Variants in EYS observed in about 807,000 individuals in gnomAD.
EYS encodes the protein EGF-like photoreceptor maintenance factor.
A neutral mutation model predicts 282.1 loss-of-function variants in EYS; 250 were observed. The ratio of observed to expected loss-of-function variants is 0.89; its 90% CI spans 0.80 to 0.98. The LOEUF (loss-of-function observed/expected upper bound fraction) is 0.98, where lower values mean the gene tolerates loss of function less well. Ranked by LOEUF, EYS falls within the 50% of genes least tolerant of loss-of-function variation. The pLI is 0.00. For missense variants in EYS, 4,016 were observed against 3,709.0 expected, an observed-to-expected ratio of 1.08 and a Z score of -2.15; for synonymous variants, 1,355 against 1,282.9, an observed-to-expected ratio of 1.06 and a Z score of -1.20.
intron 2 of EYS, among the ~76,000 whole-genome samples, chr6:65,629,539 CAT>C (rs758543949): frequency 3.3e-5 from 5 of 152,192 alleles, no homozygotes; most frequent in South Asian, 4.1e-4. Context: ...GAAAACCCCA[CAT>C]GAGAACTAAA....
At position 65,549,377 on chromosome 6, in the gene EYS, G is replaced by T. The variant is rs60828468; in HGVS notation, c.-332-53384C>A. ...TTTTAAAATACTTTGGCTCTACTTT[G>T]TTATGCTCTATACCAGAATTTGGCA... On this transcript the variant is annotated intron_variant, in intron 2 of 42. Transcript: ENST00000503581. Among the ~76,000 whole-genome samples the T allele has an allele frequency of 4.9e-3, 742 of 152,244 alleles. 2 individuals carry two copies. The highest frequency in any genetic ancestry group is 0.016 in the African/African-American group (673 of 41,542).
intron 33 of EYS, among the ~76,000 whole-genome samples, chr6:64,005,076 C>T (rs1182426100): frequency 6.6e-6 from 1 of 152,174 alleles, no homozygotes; most frequent in Admixed American, 6.5e-5. Context: ...CTTACATTCC[C>T]TGCAGCAGTG....
intron 28 of EYS, among the ~76,000 whole-genome samples, chr6:64,398,283 T>C (rs1773438771): frequency 6.6e-6 from 1 of 151,924 alleles, no homozygotes; most frequent in Non-Finnish European, 1.5e-5. Flanking sequence ...AGGTCAATCC[T>C]GTAAATGATT....
intron 26 of EYS, among the ~76,000 whole-genome samples, chr6:64,534,577 G>A (rs554592625): frequency 1.3e-5 from 2 of 152,012 alleles, no homozygotes; most frequent in Middle Eastern, 3.4e-3. Context: ...TGATGATTAT[G>A]TACTTTCTTG....
At chr6:63,867,195 C>A (rs1222153227) in intron 35 of EYS, among the ~76,000 whole-genome samples, 1 of 152,060 alleles carries the variant, frequency 6.6e-6, no homozygotes, top group East Asian at 1.9e-4. Context: ...ACAGTGTCAC[C>A]CTCTTTTGCT....
At chr6:65,254,862 A>G (rs892160495) in intron 12 of EYS, among the ~76,000 whole-genome samples, 1 of 151,934 alleles carries the variant, frequency 6.6e-6, no homozygotes, top group Non-Finnish European at 1.5e-5. Context: ...AAGTATTAAT[A>G]TGGCTCCATT....
At chr6:64,495,371 G>T (rs982395753) in intron 26 of EYS, among the ~76,000 whole-genome samples, 1 of 151,718 alleles carries the variant, frequency 6.6e-6, no homozygotes, top group African/African-American at 2.4e-5. Flanking sequence ...ACTTGGACTT[G>T]GAAGATGACA....
intron 22 of EYS, among the ~76,000 whole-genome samples, chr6:64,626,718 C>G (rs1225568074): frequency 6.6e-6 from 1 of 152,150 alleles, no homozygotes; most frequent in Non-Finnish European, 1.5e-5. Flanking sequence ...GCCTTGCTGA[C>G]ACTTTAGTTG....
intron 8 of EYS, among the ~76,000 whole-genome samples, chr6:65,368,242 G>A (rs1440098551): frequency 6.6e-6 from 1 of 151,502 alleles, no homozygotes; most frequent in Non-Finnish European, 1.5e-5. Flanking sequence ...GGGATTATGG[G>A]AACTACAAGT....
chr6:64,162,688 C>T (rs950494653), intron 31 of EYS, among the ~76,000 whole-genome samples: 2 of 152,056 alleles, frequency 1.3e-5, no homozygotes, highest in Non-Finnish European at 2.9e-5. Context: ...TCTCTGGTCC[C>T]CTTGTTTCTC....
intron 13 of EYS, among the ~76,000 whole-genome samples, chr6:65,034,963 A>C (rs2150145844): frequency 6.6e-6 from 1 of 152,276 alleles, no homozygotes; most frequent in Middle Eastern, 3.4e-3. Flanking sequence ...AAAATACTCA[A>C]AAAAGTATTA....
intron 22 of EYS, among the ~76,000 whole-genome samples, chr6:64,750,424 A>AC (rs1413775991): frequency 1.3e-5 from 2 of 151,614 alleles, no homozygotes; most frequent in South Asian, 4.2e-4. Context: ...GGAAAGTAAA[A>AC]AAAAAAAAGC....
chr6:64,964,769 C>A (rs985953322), intron 14 of EYS, among the ~76,000 whole-genome samples: 3 of 152,122 alleles, frequency 2.0e-5, no homozygotes, highest in African/African-American at 7.2e-5. Flanking sequence ...CAGTTGCTCA[C>A]ACCTGTAATC....
chr6:64,936,653 C>T (rs911960845), intron 15 of EYS, among the ~76,000 whole-genome samples: 1 of 151,436 alleles, frequency 6.6e-6, no homozygotes, highest in African/African-American at 2.4e-5. Context: ...CTGAAAATGG[C>T]ATGAAGACAA....
In EYS at chr6:64,224,777, A is replaced by T. The variant is rs186471753; in HGVS notation, c.6424+5815T>A. 1.5e-3 allele frequency among the ~76,000 whole-genome samples: 233 copies of T among 152,280 alleles called. 1 individual carries two copies. Among genetic ancestry groups the T allele is most frequent in the Non-Finnish European group, 6.2e-4 (42 of 68,018 alleles). Reference sequence around the variant, plus strand: ...TCTGCAAAATAAATGGACATAAAAGACAGAAATCCAGGGAGAAAAAAAATG... The same window carrying T: ...TCTGCAAAATAAATGGACATAAAAGTCAGAAATCCAGGGAGAAAAAAAATG... On this transcript the variant is annotated intron_variant, in intron 31 of 42. Coordinates refer to ENST00000503581, the MANE Select transcript of EYS (RefSeq NM_001142800.2).
chr6:65,412,218 G>A (rs145449093), intron 5 of EYS, among the ~76,000 whole-genome samples: 3 of 152,164 alleles, frequency 2.0e-5, no homozygotes, highest in African/African-American at 7.2e-5. Context: ...CAGCCTTCAG[G>A]ACTGTGATAA....
At position 64,668,341 on chromosome 6, in the gene EYS, G is replaced by A. The variant is rs192491968; in HGVS notation, c.3444-42096C>T. Among the ~76,000 whole-genome samples the A allele has an allele frequency of 7.0e-4, 106 of 152,088 alleles. 2 individuals are homozygous for A. The East Asian group carries it at 0.014, about 20-fold the overall frequency. The stretch of plus-strand genomic sequence containing the variant: ...TTGTTTTAAACGTACAGAAAAGTGC[G>A]AATTACCTTCAAAATATACTTCACA... On this transcript the variant is annotated intron_variant, in intron 22 of 42. Coordinates refer to ENST00000503581, the MANE Select transcript of EYS (RefSeq NM_001142800.2).
intron 12 of EYS, among the ~76,000 whole-genome samples, chr6:65,126,995 G>A (rs1775737555): frequency 6.6e-6 from 1 of 152,068 alleles, no homozygotes; most frequent in Non-Finnish European, 1.5e-5. Flanking sequence ...GAGGCTATTA[G>A]CAATGCACCT....
chr6:63,920,788 C>T (rs1004156076), intron 35 of EYS, among the ~76,000 whole-genome samples: 7 of 152,146 alleles, frequency 4.6e-5, no homozygotes, highest in Non-Finnish European at 5.9e-5. Context: ...TAGGACAGGC[C>T]GTGTGGCTGT....
Sources: gnomAD v4.1 joint callset for allele counts (sites outside exome capture counted in the v4.1 genomes callset) on GRCh38, gnomAD v4.1.1 for gene constraint, MANE v1.5 for transcripts, NCBI Gene and HGNC (gene_info 2026-07-23, HGNC 2026-07-21) for gene names.